Variants in ACSL5 observed in about 807,000 individuals in gnomAD.
ACSL5 encodes the protein acyl-CoA synthetase long chain family member 5.
In ACSL5, 50 loss-of-function variants were observed where a neutral mutation model predicts 84.9. The observed-to-expected ratio is 0.59, with a 90% CI of 0.47 to 0.75. The LOEUF is 0.75. ACSL5 is among the 30% of genes least tolerant of loss of function. The pLI, the probability that ACSL5 is intolerant of heterozygous loss-of-function variation, is 0.00. For missense variants in ACSL5, 775 were observed against 830.4 expected (o/e 0.93, Z 0.82); for synonymous variants, 280 against 300.7 (o/e 0.93, Z 0.71).
intron 1 of ACSL5, among the ~76,000 whole-genome samples, chr10:112,378,795 C>T (rs1286450936): frequency 2.0e-5 from 3 of 152,138 alleles, no homozygotes; most frequent in African/African-American, 7.2e-5. Context: ...ATCCTGAGGT[C>T]GGAAAGGGAC....
intron 1 of ACSL5, among the ~76,000 whole-genome samples, chr10:112,390,529 G>C (rs547390446): frequency 2.0e-5 from 3 of 152,236 alleles, no homozygotes; most frequent in Admixed American, 6.5e-5. Flanking sequence ...TTCTCTCCTA[G>C]GTCTACACCC....
chr10:112,408,543 A>G, intron 6 of ACSL5, 22 bp downstream of exon 6: 1 of 1,466,734 alleles, frequency 6.8e-7, no homozygotes, highest in Non-Finnish European at 9.6e-7. Context: ...CTGTTACATT[A>G]CAACTTGATT....
In ACSL5 at chr10:112,411,791, T is replaced by G. The variant is rs1844185622; in HGVS notation, c.871-111T>G. 7.7e-6 allele frequency: 8 copies of G among 1,038,774 alleles called. No homozygotes were observed. In the East Asian group the frequency reaches 1.9e-4, roughly 25 times the overall value. 64.3% of individuals were successfully genotyped at this position (1,038,774 alleles called of 1,614,324 possible). A position where few individuals can be genotyped will look rare whatever the true frequency, so the allele number is the denominator to read the frequency against. On this transcript the variant is annotated intron_variant, in intron 10 of 20. Transcript: ENST00000354655. Reference sequence around the variant, plus strand: ...TCTCAGATCTACACAGTGTACCGCCTATACAGCTGTCTGTGGTAGTCCTGG... The same window carrying G: ...TCTCAGATCTACACAGTGTACCGCCGATACAGCTGTCTGTGGTAGTCCTGG...
intron 1 of ACSL5, among the ~76,000 whole-genome samples, chr10:112,385,787 A>T (rs1299710341): frequency 2.0e-5 from 3 of 152,182 alleles, no homozygotes; most frequent in Non-Finnish European, 4.4e-5. Flanking sequence ...TCTGCGGGAA[A>T]ATTTTTATTT....
chr10:112,401,506 C>G (rs916261840), intron 3 of ACSL5, among the ~76,000 whole-genome samples: 1 of 152,170 alleles, frequency 6.6e-6, no homozygotes. Context: ...TGGATGGGCT[C>G]TTTGTAGATG....
intron 1 of ACSL5, among the ~76,000 whole-genome samples, chr10:112,389,091 C>T (rs532347606): frequency 6.6e-6 from 1 of 152,028 alleles, no homozygotes. Context: ...TAGAAGGAGC[C>T]ATTTAGGACA....
At chr10:112,401,831 TCTTTCTTTCTTCCTTCCTTC>T (rs1164449338) in intron 3 of ACSL5, among the ~76,000 whole-genome samples, 7 of 118,556 alleles carry the variant, frequency 5.9e-5, no homozygotes, top group Non-Finnish European at 1.1e-4. Flanking sequence ...TTTCTTTCTT[TCTTTCTTTCTTCCTTCCTTC>T]CTTCCTTTCT....
intron 3 of ACSL5, among the ~76,000 whole-genome samples, chr10:112,399,395 T>C (rs1333330354): frequency 6.6e-6 from 1 of 152,214 alleles, no homozygotes; most frequent in Non-Finnish European, 1.5e-5. Context: ...TGCCTTTCAT[T>C]AATGTAATTC....
intron 3 of ACSL5, among the ~76,000 whole-genome samples, chr10:112,401,576 G>A (rs2133606947): frequency 6.6e-6 from 1 of 152,348 alleles, no homozygotes; most frequent in African/African-American, 2.4e-5. Flanking sequence ...CTAGGCTGTT[G>A]CCTGGTCAGG....
At chr10:112,379,666 C>T (rs1193071229) in intron 1 of ACSL5, among the ~76,000 whole-genome samples, 1 of 152,172 alleles carries the variant, frequency 6.6e-6, no homozygotes, top group Non-Finnish European at 1.5e-5. Flanking sequence ...CGATTTTCAC[C>T]TGCTCCTTCT....
chr10:112,382,588 T>G lies in ACSL5; in HGVS notation c.-30+8319T>G, dbSNP rs116368388. Among the ~76,000 whole-genome samples, 837 of 152,272 alleles carry G rather than the reference T, an allele frequency of 5.5e-3. 12 individuals carry two copies. Among genetic ancestry groups the G allele is most frequent in the African/African-American group, 0.019 (803 of 41,560 alleles). On this transcript the variant is annotated intron_variant, in intron 1 of 20. Coordinates refer to ENST00000354655, the MANE Select transcript of ACSL5 (RefSeq NM_203379.2). ...CTTATTCTGCTCCACCTCTTCTATCTCTTCTGAGCTCTGGCTCCTGTAGCT... is the reference window on the plus strand; with the variant it reads ...CTTATTCTGCTCCACCTCTTCTATCGCTTCTGAGCTCTGGCTCCTGTAGCT...
intron 20 of ACSL5, 96 bp from the exon 21 acceptor site, chr10:112,427,122 T>C: frequency 7.7e-7 from 1 of 1,300,232 alleles, no homozygotes; most frequent in South Asian, 1.4e-5. Flanking sequence ...ACCCTTTCAC[T>C]GCATCAACCT....
intron 1 of ACSL5, among the ~76,000 whole-genome samples, chr10:112,392,106 C>T (rs187963314): frequency 6.6e-6 from 1 of 152,304 alleles, no homozygotes; most frequent in East Asian, 1.9e-4. Context: ...CATAGTCGAA[C>T]AGGAGGGTGT....
chr10:112,409,679 T>C lies in ACSL5; in HGVS notation c.705T>C (p.Asp235=). The change falls in exon 7 of 21, where the codon GAT becomes GAC. Residue 235 remains aspartate, a synonymous_variant. Transcript: ENST00000354655. ...KSGIEILSLY[D]AENLGKEHFR... The stretch of plus-strand genomic sequence containing the variant: ...GAATTGAGATCTTATCCCTATATGA[T>C]GCTGAGGTATGGATCTGAAATTTAG... The C allele has an allele frequency of 6.8e-6, 11 of 1,613,990 alleles. No individual in the cohort carries two copies. Among genetic ancestry groups the C allele is most frequent in the Non-Finnish European group, 8.5e-6 (10 of 1,179,868 alleles).
intron 1 of ACSL5, among the ~76,000 whole-genome samples, chr10:112,394,422 A>G (rs1843702193): frequency 6.6e-6 from 1 of 152,202 alleles, no homozygotes; most frequent in African/African-American, 2.4e-5. Context: ...TTCATACAAA[A>G]TGGTTAATTT....
chr10:112,388,335 T>C (rs1849494688), intron 1 of ACSL5, among the ~76,000 whole-genome samples: 1 of 152,198 alleles, frequency 6.6e-6, no homozygotes, highest in African/African-American at 2.4e-5. Context: ...TAGAAGGATC[T>C]TGAATAGTCC....
Position 112,404,717 on chromosome 10 carries a change from G to A in ACSL5, c.343G>A (p.Ala115Thr), listed in dbSNP as rs192562479. 3.2e-5 allele frequency: 52 copies of A among 1,613,856 alleles called. No homozygotes were observed. Among genetic ancestry groups the A allele is most frequent in the Non-Finnish European group, 4.2e-5 (50 of 1,179,850 alleles). ...WLSYKQVSDR[A>T]EYLGSCLLHK... Reference sequence around the variant, plus strand: ...CTCTTTTTTGTAGGTGTCTGATAGAGCAGAGTACCTGGGTTCCTGTCTCTT... The same window carrying A: ...CTCTTTTTTGTAGGTGTCTGATAGAACAGAGTACCTGGGTTCCTGTCTCTT... Residue 115 changes from alanine to threonine, a missense_variant, in exon 5 of 21, where the codon GCA becomes ACA. By Grantham distance (58) the Ala-to-Thr change is moderately conservative. Coordinates refer to ENST00000354655, the MANE Select transcript of ACSL5 (RefSeq NM_203379.2).
Position 112,427,510 on chromosome 10 carries a change from T to A in ACSL5, c.*152T>A, listed in dbSNP as rs547616916. Reference sequence around the variant, plus strand: ...AGCTTTTGTTTTATATTGAGACATATAATGTGTAAACTTAGTTCCCAAATA... The same window carrying A: ...AGCTTTTGTTTTATATTGAGACATAAAATGTGTAAACTTAGTTCCCAAATA... On this transcript the variant is annotated 3_prime_UTR_variant, in exon 21 of 21. Transcript: ENST00000354655. 18 of 626,720 alleles carry A rather than the reference T, an allele frequency of 2.9e-5. No homozygotes were observed. Among genetic ancestry groups the A allele is most frequent in the Middle Eastern group, 3.2e-4 (1 of 3,082 alleles). 38.8% of individuals were successfully genotyped at this position (626,720 alleles called of 1,614,324 possible). A position where few individuals can be genotyped will look rare whatever the true frequency, so the allele number is the denominator to read the frequency against.
At chr10:112,395,462 C>T (rs187104910) in intron 2 of ACSL5, among the ~76,000 whole-genome samples, 410 of 152,282 alleles carry the variant, frequency 2.7e-3, no homozygotes, top group African/African-American at 9.4e-3. Flanking sequence ...AAAGTGTTTG[C>T]TGTCTAGCCC....
Sources: allele counts gnomAD v4.1 joint callset (sites outside exome capture counted in the v4.1 genomes callset), GRCh38; gene constraint gnomAD v4.1.1; transcripts MANE v1.5; gene names NCBI Gene and HGNC (gene_info 2026-07-23, HGNC 2026-07-21).